The following AK9 variants were observed in gnomAD, a reference collection of about 807,000 sequenced individuals.
AK9 encodes adenylate kinase domain containing 1.
Under a neutral mutation model 239.6 loss-of-function variants are expected in AK9, and 191 were observed. The observed-to-expected ratio is 0.80, with a 90% confidence interval of 0.71 to 0.90. The LOEUF (loss-of-function observed/expected upper bound fraction) is 0.90. AK9 is among the 40% of genes least tolerant of loss of function. AK9 has a pLI of 0.00. For synonymous variants in AK9, 689 were observed against 721.0 expected, an observed-to-expected ratio of 0.96 and a Z score of 0.71; for missense variants, 1,995 against 2,214.7, an observed-to-expected ratio of 0.90 and a Z score of 1.99.
intron 8 of AK9, among the ~76,000 whole-genome samples, chr6:109,649,400 G>C (rs1487075660): frequency 6.6e-6 from 1 of 152,014 alleles, no homozygotes; most frequent in Non-Finnish European, 1.5e-5. Flanking sequence ...AAAGTCTCAG[G>C]ATACAAAATC....
chr6:109,587,703 A>G (rs1300993198), intron 17 of AK9, among the ~76,000 whole-genome samples: 1 of 152,198 alleles, frequency 6.6e-6, no homozygotes, highest in Non-Finnish European at 1.5e-5. Context: ...ACTAATGAAC[A>G]CTTAGGTTGA....
rs768651944 is a variant in AK9, at chr6:109,516,562, A to G, written c.3714T>C (p.Asp1238=). The stretch of plus-strand genomic sequence containing the variant: ...TCTCTTCCTCATCTTTTGGAAACTC[A>G]TCTTCAAGGATGTTTTCAATATCAT... ...DNDDIENILE[D]EFPKDEEEMS... is the part of the protein sequence containing the mutation. Residue 1238 remains aspartate, a synonymous_variant, in exon 30 of 41, where the codon GAT becomes GAC. Transcript: ENST00000424296. 3.2e-6 allele frequency: 5 copies of G among 1,551,358 alleles called. No homozygotes were observed. The South Asian group carries it at 3.6e-5, about 11-fold the overall frequency.
intron 8 of AK9, among the ~76,000 whole-genome samples, chr6:109,646,312 G>A (rs1011750062): frequency 6.6e-6 from 1 of 152,148 alleles, no homozygotes; most frequent in African/African-American, 2.4e-5. Flanking sequence ...AAAGGAGGAT[G>A]TTTGAACCCA....
At chr6:109,652,334 G>C (rs1041925350) in intron 8 of AK9, among the ~76,000 whole-genome samples, 1 of 146,408 alleles carries the variant, frequency 6.8e-6, no homozygotes, top group Non-Finnish European at 1.5e-5. Context: ...TGCAGAAAAG[G>C]CCTTCAAAAA....
At chr6:109,527,039 C>G (rs1256970116) in intron 29 of AK9, among the ~76,000 whole-genome samples, 4 of 152,166 alleles carry the variant, frequency 2.6e-5, no homozygotes, top group African/African-American at 9.6e-5. Flanking sequence ...GCTCCCCGGG[C>G]TTCCTGTCCT....
intron 5 of AK9, among the ~76,000 whole-genome samples, chr6:109,666,460 G>T (rs893296999): frequency 3.9e-5 from 6 of 152,188 alleles, no homozygotes; most frequent in African/African-American, 1.4e-4. Context: ...AACGATGGAG[G>T]AGTGGCGCAC....
At chr6:109,618,238 T>G (rs1364704483) in intron 13 of AK9, among the ~76,000 whole-genome samples, 1 of 152,066 alleles carries the variant, frequency 6.6e-6, no homozygotes, top group Non-Finnish European at 1.5e-5. Flanking sequence ...GAAGATCCCA[T>G]GTTGTACATA....
intron 13 of AK9, among the ~76,000 whole-genome samples, chr6:109,615,056 T>C (rs539834639): frequency 1.3e-5 from 2 of 152,304 alleles, no homozygotes; most frequent in African/African-American, 4.8e-5. Flanking sequence ...GATTTAATGT[T>C]ATAATTTAAT....
At chr6:109,679,922 C>T (rs770262268) in intron 1 of AK9, among the ~76,000 whole-genome samples, 5 of 152,136 alleles carry the variant, frequency 3.3e-5, no homozygotes, top group Admixed American at 2.6e-4. Context: ...ACAAAAAGGA[C>T]GTCCACTCAG....
chr6:109,576,230 A>T (rs564682075), intron 20 of AK9, among the ~76,000 whole-genome samples: 1 of 151,416 alleles, frequency 6.6e-6, no homozygotes, highest in South Asian at 2.1e-4. Context: ...TTTTGATGGG[A>T]ATTGCATTGG....
intron 32 of AK9, among the ~76,000 whole-genome samples, chr6:109,509,740 G>A (rs890145032): frequency 1.3e-5 from 2 of 151,938 alleles, no homozygotes; most frequent in African/African-American, 4.8e-5. Context: ...CCTGACCCAC[G>A]GCTGCAGCTC....
At chr6:109,524,271 G>A (rs1780184646) in intron 29 of AK9, among the ~76,000 whole-genome samples, 1 of 151,988 alleles carries the variant, frequency 6.6e-6, no homozygotes, top group Non-Finnish European at 1.5e-5. Flanking sequence ...CCTTAAAGAA[G>A]AGAGAGAAAA....
At chr6:109,685,302 T>G (rs1236598361) in intron 1 of AK9, among the ~76,000 whole-genome samples, 1 of 152,102 alleles carries the variant, frequency 6.6e-6, no homozygotes, top group Non-Finnish European at 1.5e-5. Context: ...CAGCACTATT[T>G]ACTACAGAAA....
chr6:109,647,536 T>C (rs1798243475), intron 8 of AK9, among the ~76,000 whole-genome samples: 1 of 152,122 alleles, frequency 6.6e-6, no homozygotes, highest in Non-Finnish European at 1.5e-5. Context: ...CAATAAGAGC[T>C]AACTATTCTA....
chr6:109,566,894 A>T (rs554081722), intron 21 of AK9, among the ~76,000 whole-genome samples: 7 of 152,364 alleles, frequency 4.6e-5, no homozygotes, highest in African/African-American at 1.7e-4. Flanking sequence ...GAACAAGGAC[A>T]CAACATACCA....
At chr6:109,659,162 T>C (rs978005507) in intron 7 of AK9, 66 bp downstream of exon 7, 2 of 1,429,832 alleles carry the variant, frequency 1.4e-6, no homozygotes, top group Non-Finnish European at 1.8e-6. Context: ...ACCTATACCA[T>C]CATTTACCTT....
intron 19 of AK9, among the ~76,000 whole-genome samples, chr6:109,583,145 C>T (rs1789069373): frequency 6.6e-6 from 1 of 152,132 alleles, no homozygotes; most frequent in Non-Finnish European, 1.5e-5. Context: ...GGAACCAAAC[C>T]TGCAATATTT....
chr6:109,682,872 G>C lies in AK9; in HGVS notation c.-11-7116C>G, dbSNP rs562387056. ...GAAACTATTCCAATCAATAGAAAAA[G>C]AGGGAATTCTCGCTAACTCATTTTA... On this transcript the variant is annotated intron_variant, in intron 1 of 40. Coordinates refer to ENST00000424296, the MANE Select transcript of AK9 (RefSeq NM_001145128.3). Among the ~76,000 whole-genome samples, 10 of 152,284 alleles carry C rather than the reference G, an allele frequency of 6.6e-5. No individual in the cohort carries two copies. The East Asian group carries it at 1.9e-3, about 29-fold the overall frequency.
At chr6:109,561,718 T>C (rs1785804701) in intron 24 of AK9, among the ~76,000 whole-genome samples, 1 of 152,222 alleles carries the variant, frequency 6.6e-6, no homozygotes, top group South Asian at 2.1e-4. Flanking sequence ...TTCCTGTGTA[T>C]GTGGCATATG....
Sources: allele counts gnomAD v4.1 joint callset (sites outside exome capture counted in the v4.1 genomes callset), GRCh38; gene constraint gnomAD v4.1.1; transcripts MANE v1.5; gene names NCBI Gene and HGNC (gene_info 2026-07-23, HGNC 2026-07-21).